Variants in GPATCH2 observed in about 807,000 individuals in gnomAD.
The protein encoded by GPATCH2 is G-patch domain containing 2.
GPATCH2 carries 51 observed loss-of-function variants against 58.0 expected under a neutral mutation model. That is an observed-to-expected ratio of 0.88 (90% CI 0.70 to 1.11). The LOEUF (loss-of-function observed/expected upper bound fraction) is 1.11. GPATCH2 is among the 50% of genes most tolerant of loss of function. The pLI, the probability that GPATCH2 is intolerant of heterozygous loss-of-function variation, is 0.00. For synonymous variants in GPATCH2, 222 were observed against 218.5 expected, an observed-to-expected ratio of 1.02 and a Z score of -0.14; for missense variants, 625 against 652.2, an observed-to-expected ratio of 0.96 and a Z score of 0.45.
intron 5 of GPATCH2, among the ~76,000 whole-genome samples, chr1:217,542,795 G>T (rs181674530): frequency 1.3e-5 from 2 of 152,286 alleles, no homozygotes; most frequent in East Asian, 3.9e-4. Context: ...TTTGCCTAGG[G>T]TTTAATATCC....
chr1:217,440,054 C>T (rs193190135), intron 9 of GPATCH2, among the ~76,000 whole-genome samples: 73 of 152,232 alleles, frequency 4.8e-4, no homozygotes, highest in African/African-American at 1.7e-3. Context: ...TTGGCAGAGA[C>T]ACAACAACAA....
chr1:217,490,088 C>T (rs140528324), intron 8 of GPATCH2, among the ~76,000 whole-genome samples: 1,762 of 152,002 alleles, frequency 0.012, 28 homozygotes, highest in African/African-American at 0.04. Context: ...GTAAATATTC[C>T]TCGTTTTTGA....
chr1:217,614,804 A>G (rs1354480864), intron 2 of GPATCH2, among the ~76,000 whole-genome samples: 1 of 151,814 alleles, frequency 6.6e-6, no homozygotes, highest in Non-Finnish European at 1.5e-5. Context: ...TATTACAAAT[A>G]TTAAGGAGGG....
chr1:217,506,753 C>A (rs1292485915), intron 6 of GPATCH2, among the ~76,000 whole-genome samples: 1 of 152,192 alleles, frequency 6.6e-6, no homozygotes, highest in Non-Finnish European at 1.5e-5. Context: ...ATACCACATG[C>A]TTTTCCTTCC....
intron 5 of GPATCH2, among the ~76,000 whole-genome samples, chr1:217,578,620 A>C (rs1371154177): frequency 6.6e-6 from 1 of 152,158 alleles, no homozygotes; most frequent in Non-Finnish European, 1.5e-5. Flanking sequence ...CTTTTCTTAC[A>C]TCAAAGTTTT....
At chr1:217,494,753 A>G (rs906672952) in intron 7 of GPATCH2, among the ~76,000 whole-genome samples, 6 of 152,100 alleles carry the variant, frequency 3.9e-5, no homozygotes, top group South Asian at 2.1e-4. Context: ...CAAAAAAAAA[A>G]GAAGACTCCC....
At chr1:217,608,417 C>T in intron 5 of GPATCH2, 1 of 984,744 alleles carries the variant, frequency 1.0e-6, no homozygotes, top group Non-Finnish European at 1.2e-6. Flanking sequence ...AACTTCATCA[C>T]CTTTTTACAA....
At chr1:217,568,815 G>A (rs1023748128) in intron 5 of GPATCH2, among the ~76,000 whole-genome samples, 1 of 152,118 alleles carries the variant, frequency 6.6e-6, no homozygotes, top group Non-Finnish European at 1.5e-5. Flanking sequence ...TGATGAGATG[G>A]AACTTATTTG....
chr1:217,540,388 T>C (rs1664679335), intron 5 of GPATCH2, among the ~76,000 whole-genome samples: 1 of 152,178 alleles, frequency 6.6e-6, no homozygotes, highest in African/African-American at 2.4e-5. Context: ...ATGATAACAA[T>C]TTATCTTAAA....
Position 217,431,061 on chromosome 1 carries a change from C to A in GPATCH2, c.*84G>T. ...GTGTTTGAGGCAATGTAGATTTTTG[C>A]TTCAAAAACAGAAGTCATGTTATCA... On this transcript the variant is annotated 3_prime_UTR_variant, in exon 10 of 10. Transcript: ENST00000366935. The A allele has an allele frequency of 1.3e-6, 1 of 783,792 alleles. No individual in the cohort carries two copies. The allele number at this position is 783,792 out of a possible 1,614,324, so 48.6% of individuals were successfully genotyped here. A position where few individuals can be genotyped will look rare whatever the true frequency, so the allele number is the denominator to read the frequency against.
intron 5 of GPATCH2, among the ~76,000 whole-genome samples, chr1:217,558,750 G>A (rs1448925298): frequency 6.6e-6 from 1 of 152,012 alleles, no homozygotes; most frequent in East Asian, 1.9e-4. Flanking sequence ...GGAGTTGAGA[G>A]CAGCCTGGGC....
chr1:217,545,675 T>C (rs1015375546), intron 5 of GPATCH2, among the ~76,000 whole-genome samples: 11 of 152,176 alleles, frequency 7.2e-5, no homozygotes, highest in Non-Finnish European at 1.5e-4. Flanking sequence ...GTGTTGTCCA[T>C]GGCTCCAAGC....
At position 217,506,373 on chromosome 1, in the gene GPATCH2, G is replaced by A. The variant is rs544744135; in HGVS notation, c.1167-7978C>T. Among the ~76,000 whole-genome samples the A allele has an allele frequency of 5.3e-5, 8 of 152,216 alleles. No individual in the cohort carries two copies. The South Asian group carries it at 1.7e-3, about 32-fold the overall frequency. Reference sequence around the variant, plus strand: ...AAAACTATACACGAGAGAGGAGGGAGGGGGACAAAGAAGTAGAAATATATG... The same window carrying A: ...AAAACTATACACGAGAGAGGAGGGAAGGGGACAAAGAAGTAGAAATATATG... On this transcript the variant is annotated intron_variant, in intron 6 of 9. Coordinates refer to ENST00000366935, the MANE Select transcript of GPATCH2 (RefSeq NM_018040.5).
chr1:217,614,388 T>C (rs17666909), intron 2 of GPATCH2, among the ~76,000 whole-genome samples, 186 bp from the exon 3 acceptor site: 1 of 151,992 alleles, frequency 6.6e-6, no homozygotes, highest in African/African-American at 2.4e-5. Context: ...GAGCATATTA[T>C]TTTTGGCACA....
intron 8 of GPATCH2, among the ~76,000 whole-genome samples, chr1:217,487,252 G>A (rs1661496203): frequency 6.6e-6 from 1 of 152,038 alleles, no homozygotes; most frequent in African/African-American, 2.4e-5. Context: ...CAGGGAGGTG[G>A]CAGTAATCCT....
chr1:217,612,972 A>C (rs1452585025), intron 3 of GPATCH2, among the ~76,000 whole-genome samples: 1 of 152,156 alleles, frequency 6.6e-6, no homozygotes, highest in African/African-American at 2.4e-5. Context: ...CTGGCATATC[A>C]TTCTAAGCCT....
intron 5 of GPATCH2, among the ~76,000 whole-genome samples, chr1:217,599,044 C>A (rs1667990487): frequency 6.6e-6 from 1 of 151,876 alleles, no homozygotes; most frequent in South Asian, 2.1e-4. Flanking sequence ...ACGAATCTAG[C>A]AGGAAGAAGT....
chr1:217,522,831 T>TACAC lies in GPATCH2; in HGVS notation c.1099-7946_1099-7943dup, dbSNP rs140850986. Among the ~76,000 whole-genome samples, 717 of 149,256 alleles carry TACAC rather than the reference T, an allele frequency of 4.8e-3. 19 individuals are homozygous for TACAC. Among genetic ancestry groups the TACAC allele is most frequent in the African/African-American group, 0.015 (614 of 40,382 alleles). On this transcript the variant is annotated intron_variant, in intron 5 of 9. Coordinates refer to ENST00000366935, the MANE Select transcript of GPATCH2 (RefSeq NM_018040.5). ...CAAATAGTTTTGGGGACTTGTTCAA[T>TACAC]ACACACACACACACACACACAACTT...
At chr1:217,542,457 G>GA (rs980129634) in intron 5 of GPATCH2, among the ~76,000 whole-genome samples, 1 of 152,122 alleles carries the variant, frequency 6.6e-6, no homozygotes, top group Non-Finnish European at 1.5e-5. Flanking sequence ...CTACTGGAAA[G>GA]AAAAAAATTC....
Sources: gnomAD v4.1 joint callset for allele counts (sites outside exome capture counted in the v4.1 genomes callset) on GRCh38, gnomAD v4.1.1 for gene constraint, MANE v1.5 for transcripts, NCBI Gene and HGNC (gene_info 2026-07-23, HGNC 2026-07-21) for gene names.